The following ADRA1A variants were observed in gnomAD, a reference collection of about 807,000 sequenced individuals.
ADRA1A encodes adrenoceptor alpha 1A.
Under a neutral mutation model 29.6 loss-of-function variants are expected in ADRA1A, and 31 were observed. The observed-to-expected ratio is 1.05, with a 90% confidence interval of 0.79 to 1.41. ADRA1A has a LOEUF of 1.41. Among genes scored for constraint, ADRA1A ranks in the 40% most tolerant of loss-of-function variants. The pLI, the probability that ADRA1A is intolerant of heterozygous loss-of-function variation, is 0.00. For synonymous variants in ADRA1A, 311 were observed against 254.3 expected (o/e 1.22, Z -2.12); for missense variants, 619 against 601.1 (o/e 1.03, Z -0.31).
At chr8:26,763,214 T>A (rs972718939), downstream of ADRA1A, among the ~76,000 whole-genome samples, 1 of 152,086 alleles carries the variant, frequency 6.6e-6, no homozygotes, top group Non-Finnish European at 1.5e-5. The surrounding 1 kb of genome is among the most constrained non-coding windows in gnomAD (Gnocchi z 4.5). Context: ...AATGCCCTGG[T>A]GTGGGGTGCC....
chr8:26,851,196 T>A (rs866620783), intron 2 of ADRA1A, among the ~76,000 whole-genome samples: 2 of 152,134 alleles, frequency 1.3e-5, no homozygotes, highest in Non-Finnish European at 1.5e-5. Context: ...AGATAGAGGT[T>A]TTAAAGAGAA....
intron 2 of ADRA1A, among the ~76,000 whole-genome samples, chr8:26,839,446 C>T (rs1811652236): frequency 6.6e-6 from 1 of 152,180 alleles, no homozygotes; most frequent in African/African-American, 2.4e-5. Flanking sequence ...GCGTGAGCCA[C>T]CATGCCCGGC....
At chr8:26,782,681 T>A (rs1384148616) in intron 2 of ADRA1A, among the ~76,000 whole-genome samples, 18 of 152,204 alleles carry the variant, frequency 1.2e-4, no homozygotes. Context: ...ATTCATTTCA[T>A]ACCTTTAGTT....
downstream of ADRA1A, chr8:26,756,318 A>G (rs367955457): frequency 1.5e-6 from 1 of 649,464 alleles, no homozygotes; most frequent in East Asian, 6.5e-5. Flanking sequence ...ATCTCTTAAG[A>G]ATATTTTAAC....
At chr8:26,835,461 T>C (rs1186412868) in intron 2 of ADRA1A, among the ~76,000 whole-genome samples, 1 of 152,086 alleles carries the variant, frequency 6.6e-6, no homozygotes, top group African/African-American at 2.4e-5. Context: ...CTCAGGAAAC[T>C]TACAGTTATG....
rs1304691103 is a variant in ADRA1A at position 26,796,328 on chromosome 8, AAAT to A, written c.884-25665_884-25663del. Reference sequence around the variant, plus strand: ...AAAAGAATAAAAGCACATAACTAAAAAATAACTCACTGATTACCTACAACATTT... The same window carrying A: ...AAAAGAATAAAAGCACATAACTAAAAAACTCACTGATTACCTACAACATTT... On this transcript the variant is annotated intron_variant, in intron 2 of 2. Coordinates refer to ENST00000380573, the MANE Select transcript of ADRA1A (RefSeq NM_000680.4). This position sits in a 1 kb window ranked among gnomAD's most constrained non-coding sequence, Gnocchi z 5.0. Among the ~76,000 whole-genome samples, 1 of 152,214 alleles carries A rather than the reference AAAT, an allele frequency of 6.6e-6. No homozygotes were observed.
Position 26,806,855 on chromosome 8 carries a change from G to C in ADRA1A, c.884-36189C>G, listed in dbSNP as rs1809031338. 6.6e-6 allele frequency among the ~76,000 whole-genome samples: 1 copy of C among 152,130 alleles called. No homozygotes were observed. Among genetic ancestry groups the C allele is most frequent in the African/African-American group, 2.4e-5 (1 of 41,436 alleles). On this transcript the variant is annotated intron_variant, in intron 2 of 2. Coordinates refer to ENST00000380573, the MANE Select transcript of ADRA1A (RefSeq NM_000680.4). The surrounding 1 kb of genome is among the most constrained non-coding windows in gnomAD (Gnocchi z 4.6). ...CAGCTTCCCAGAGTGGGTGGGGAGG[G>C]GGCTGGCATCTGTGATAATGAGAGA...
intron 2 of ADRA1A, among the ~76,000 whole-genome samples, chr8:26,830,049 G>A (rs902712732): frequency 6.6e-6 from 1 of 152,158 alleles, no homozygotes; most frequent in Admixed American, 6.5e-5. Flanking sequence ...ATATTAGAGT[G>A]AGCACTGTCC....
At chr8:26,763,493 C>T (rs944888462), downstream of ADRA1A, among the ~76,000 whole-genome samples, 8 of 152,224 alleles carry the variant, frequency 5.3e-5, no homozygotes, top group Non-Finnish European at 1.0e-4. This position sits in a 1 kb window ranked among gnomAD's most constrained non-coding sequence, Gnocchi z 4.5. Context: ...GTGGGGGTGG[C>T]GGATGCTCAC....
rs1813740612 is a variant in ADRA1A, at chr8:26,864,543, C to T, written c.427G>A (p.Gly143Ser). 1 of 1,614,086 alleles carries T rather than the reference C, an allele frequency of 6.2e-7. No individual in the cohort carries two copies. The highest frequency in any genetic ancestry group is 1.1e-5 in the South Asian group (1 of 91,074). The change falls in exon 2 of 3, where the codon GGT (glycine) becomes AGT (serine). Residue 143 changes from glycine to serine, a missense_variant. By Grantham distance (56) the Gly-to-Ser change is moderately conservative. Coordinates refer to ENST00000380573, the MANE Select transcript of ADRA1A (RefSeq NM_000680.4). The surrounding 1 kb of genome is among the most constrained non-coding windows in gnomAD (Gnocchi z 8.1). ...RYPTIVTQRRGLMALLCVWAL... is the reference protein window; with the variant it reads ...RYPTIVTQRRSLMALLCVWAL... The stretch of plus-strand genomic sequence containing the variant: ...CAGACGCAGAGCAGAGCCATGAGAC[C>T]CCTCCTCTGGGTGACGATGGTTGGG...
intron 2 of ADRA1A, among the ~76,000 whole-genome samples, chr8:26,832,713 C>G (rs1266899867): frequency 6.6e-6 from 1 of 152,160 alleles, no homozygotes; most frequent in Admixed American, 6.5e-5. Flanking sequence ...GGGAAGTAGA[C>G]TCTGAGACGG....
intron 2 of ADRA1A, among the ~76,000 whole-genome samples, chr8:26,750,963 G>A (rs961276462): frequency 7.9e-5 from 12 of 152,096 alleles, no homozygotes; most frequent in South Asian, 4.2e-4. Flanking sequence ...CAGCTACTCC[G>A]GAGGTTGAGG....
Position 26,770,398 on chromosome 8 carries a change from G to A in ADRA1A, c.1152C>T (p.Thr384=). The change falls in exon 3 of 3, where the codon ACC becomes ACT. Residue 384 remains threonine, a synonymous_variant. Transcript: ENST00000380573. ...MVRIPVGSRE[T]FYRISKTDGV... is the part of the protein sequence containing the mutation. ...CATCCGTCTTGGAGATCCTGTAGAA[G>A]GTCTCTCTTGATCCCACGGGGATGC... 1 of 1,614,226 alleles carries A rather than the reference G, an allele frequency of 6.2e-7. No homozygotes were observed. The highest frequency in any genetic ancestry group is 1.1e-5 in the South Asian group (1 of 91,080).
At chr8:26,843,626 T>A (rs912902483) in intron 2 of ADRA1A, among the ~76,000 whole-genome samples, 1 of 152,150 alleles carries the variant, frequency 6.6e-6, no homozygotes, top group Non-Finnish European at 1.5e-5. Flanking sequence ...TAAAAATACC[T>A]CCTCATCAAC....
At chr8:26,782,148 A>G (rs1327125969) in intron 2 of ADRA1A, among the ~76,000 whole-genome samples, 2 of 152,204 alleles carry the variant, frequency 1.3e-5, no homozygotes, top group African/African-American at 4.8e-5. Flanking sequence ...GCTCCTGTGC[A>G]GCTCCCTCCC....
intron 2 of ADRA1A, among the ~76,000 whole-genome samples, chr8:26,758,708 C>A: frequency 6.6e-6 from 1 of 152,316 alleles, no homozygotes; most frequent in African/African-American, 2.4e-5. Context: ...CAGTGCCCTT[C>A]CTAGCATGGG....
At chr8:26,830,149 C>A (rs1241996201) in intron 2 of ADRA1A, among the ~76,000 whole-genome samples, 1 of 152,226 alleles carries the variant, frequency 6.6e-6, no homozygotes, top group Non-Finnish European at 1.5e-5. Context: ...CACCTCCCAC[C>A]CAGAGCTGAC....
chr8:26,787,350 G>A lies in ADRA1A; in HGVS notation c.884-16684C>T, dbSNP rs186930417. Among the ~76,000 whole-genome samples, 22 of 152,114 alleles carry A rather than the reference G, an allele frequency of 1.4e-4. No individual in the cohort carries two copies. The highest frequency in any genetic ancestry group is 9.2e-4 in the Admixed American group (14 of 15,280). Reference sequence around the variant, plus strand: ...TTATTAATACAAAAATAAAATTCTCGAATGTTAATAATTAGGTTTGTTCAG... The same window carrying A: ...TTATTAATACAAAAATAAAATTCTCAAATGTTAATAATTAGGTTTGTTCAG... On this transcript the variant is annotated intron_variant, in intron 2 of 2. Coordinates refer to ENST00000380573, the MANE Select transcript of ADRA1A (RefSeq NM_000680.4). The surrounding 1 kb of genome is among the most constrained non-coding windows in gnomAD (Gnocchi z 4.2).
intron 2 of ADRA1A, among the ~76,000 whole-genome samples, chr8:26,774,594 G>A (rs1297396160): frequency 4.0e-5 from 6 of 151,884 alleles, no homozygotes; most frequent in African/African-American, 4.8e-5. Context: ...GCTTGAGCCC[G>A]GGAGGTAGAA....
Sources: gnomAD v4.1 joint callset for allele counts (sites outside exome capture counted in the v4.1 genomes callset) on GRCh38, gnomAD v4.1.1 for gene constraint, Gnocchi (gnomAD v3.1) non-coding constraint, MANE v1.5 for transcripts, NCBI Gene and HGNC (gene_info 2026-07-23, HGNC 2026-07-21) for gene names.